PLXNC1: variants seen among roughly 807,000 people sequenced by gnomAD.
The protein encoded by PLXNC1 is plexin-C1.
Under a neutral mutation model 178.2 loss-of-function variants are expected in PLXNC1, and 75 were observed. The observed-to-expected ratio is 0.42, with a 90% CI of 0.35 to 0.51. The LOEUF is 0.51. Among genes scored for constraint, PLXNC1 ranks in the 20% least tolerant of loss-of-function variants. The pLI is 0.02. For synonymous variants in PLXNC1, 790 were observed against 779.9 expected, an observed-to-expected ratio of 1.01 and a Z score of -0.22; for missense variants, 1,503 against 1,984.4, an observed-to-expected ratio of 0.76 and a Z score of 4.61.
At chr12:94,181,106 G>T (rs190646273) in intron 2 of PLXNC1, among the ~76,000 whole-genome samples, 37 of 152,230 alleles carry the variant, frequency 2.4e-4, no homozygotes, top group Admixed American at 7.9e-4. Context: ...GCTATTCAAA[G>T]TGTTGAATAG....
intron 4 of PLXNC1, among the ~76,000 whole-genome samples, chr12:94,193,735 G>C (rs754320149): frequency 6.6e-6 from 1 of 152,170 alleles, no homozygotes; most frequent in Non-Finnish European, 1.5e-5. Flanking sequence ...TTGCATTGAA[G>C]CTGGTGTTGA....
chr12:94,286,387 C>T (rs183233529), intron 23 of PLXNC1, among the ~76,000 whole-genome samples: 2 of 152,210 alleles, frequency 1.3e-5, no homozygotes, highest in Non-Finnish European at 2.9e-5. Context: ...AAATCATCCC[C>T]CACCACCCTC....
At chr12:94,181,728 C>A (rs528317504) in intron 3 of PLXNC1, 148 bp downstream of exon 3, 3 of 601,886 alleles carry the variant, frequency 5.0e-6, no homozygotes, top group Non-Finnish European at 8.8e-6. Context: ...TTCACAGGCA[C>A]GGAATTAAAA....
At chr12:94,209,224 GA>G (rs1441099780) in intron 4 of PLXNC1, among the ~76,000 whole-genome samples, 1 of 152,142 alleles carries the variant, frequency 6.6e-6, no homozygotes, top group Non-Finnish European at 1.5e-5. Flanking sequence ...ACTCTTCCTT[GA>G]GCTGTTCTTT....
rs113807799 is a variant in PLXNC1, at chr12:94,210,109, G to A, written c.1554+405G>A. ...GCTTAATTGCAGAATTTTGTTTAGT[G>A]TAATGGTCCCTTATCCTAATGTGTT... On this transcript the variant is annotated intron_variant, in intron 5 of 30. Transcript: ENST00000258526. Among the ~76,000 whole-genome samples, 168 of 152,320 alleles carry A rather than the reference G, an allele frequency of 1.1e-3. 2 individuals carry two copies. The highest frequency in any genetic ancestry group is 3.7e-3 in the African/African-American group (153 of 41,576).
intron 1 of PLXNC1, among the ~76,000 whole-genome samples, chr12:94,150,261 G>C (rs957110750): frequency 2.6e-5 from 4 of 152,286 alleles, no homozygotes; most frequent in South Asian, 2.1e-4. Flanking sequence ...AAAAAGGGGG[G>C]CGGGGAGGGT....
chr12:94,268,949 C>T (rs757331177), intron 21 of PLXNC1, among the ~76,000 whole-genome samples: 6 of 151,920 alleles, frequency 3.9e-5, no homozygotes, highest in Non-Finnish European at 7.4e-5. Flanking sequence ...AAATTTTGAA[C>T]ATGTTTGATT....
chr12:94,271,472 TG>T (rs1478101856), intron 21 of PLXNC1, among the ~76,000 whole-genome samples: 2 of 152,216 alleles, frequency 1.3e-5, no homozygotes, highest in Admixed American at 6.5e-5. Context: ...GACGGGACGA[TG>T]GGTAAAACCG....
Position 94,204,709 on chromosome 12 carries a change from C to G in PLXNC1, c.1440-4881C>G, listed in dbSNP as rs189609957. ...AGTCCCCCGATTCTGGAGACCACCT[C>G]GCCCCTCCACTGGGCTCTGTGCCTT... On this transcript the variant is annotated intron_variant, in intron 4 of 30. Coordinates refer to ENST00000258526, the MANE Select transcript of PLXNC1 (RefSeq NM_005761.3). Among the ~76,000 whole-genome samples, 122 of 152,294 alleles carry G rather than the reference C, an allele frequency of 8.0e-4. 1 individual carries two copies. The highest frequency in any genetic ancestry group is 2.6e-3 in the African/African-American group (110 of 41,548).
intron 4 of PLXNC1, among the ~76,000 whole-genome samples, chr12:94,206,387 A>G (rs1188768671): frequency 1.3e-5 from 2 of 152,170 alleles, no homozygotes; most frequent in Non-Finnish European, 2.9e-5. Context: ...TAGCAAACTA[A>G]CAAGAACAGC....
intron 23 of PLXNC1, among the ~76,000 whole-genome samples, chr12:94,289,178 GTGGTT>G (rs879924436): frequency 5.1e-4 from 78 of 152,200 alleles, no homozygotes; most frequent in Non-Finnish European, 6.8e-4. Flanking sequence ...TCACTTGCAA[GTGGTT>G]TGGAGGATGT....
At chr12:94,183,219 A>T (rs1215860522) in intron 3 of PLXNC1, among the ~76,000 whole-genome samples, 2 of 152,216 alleles carry the variant, frequency 1.3e-5, no homozygotes, top group African/African-American at 2.4e-5. Context: ...CACAGATAAG[A>T]TGTGCAAGCA....
intron 12 of PLXNC1, among the ~76,000 whole-genome samples, chr12:94,244,317 T>C (rs986282269): frequency 6.6e-6 from 1 of 152,204 alleles, no homozygotes; most frequent in African/African-American, 2.4e-5. Context: ...GCAATGCTTA[T>C]GAATATGTGT....
At chr12:94,249,005 A>G (rs1178721145) in intron 14 of PLXNC1, among the ~76,000 whole-genome samples, 2 of 152,170 alleles carry the variant, frequency 1.3e-5, no homozygotes, top group Admixed American at 1.3e-4. Context: ...CACCCTTTAT[A>G]GTATTCATGC....
At chr12:94,164,262 T>C (rs1433775367) in intron 1 of PLXNC1, among the ~76,000 whole-genome samples, 2 of 152,162 alleles carry the variant, frequency 1.3e-5, no homozygotes, top group African/African-American at 4.8e-5. Flanking sequence ...GTACAAGAAA[T>C]TGATAGGTAC....
chr12:94,249,068 AT>A (rs1221489195), intron 14 of PLXNC1, among the ~76,000 whole-genome samples: 2 of 152,156 alleles, frequency 1.3e-5, no homozygotes, highest in African/African-American at 4.8e-5. Context: ...ATCATCATAA[AT>A]AATTGGATAA....
At chr12:94,233,161 G>T (rs1427983912) in intron 9 of PLXNC1, among the ~76,000 whole-genome samples, 1 of 152,154 alleles carries the variant, frequency 6.6e-6, no homozygotes, top group African/African-American at 2.4e-5. Flanking sequence ...AAGGGGTGGG[G>T]CAGGGTGTGG....
chr12:94,236,163 G>A (rs1964234535), intron 9 of PLXNC1, among the ~76,000 whole-genome samples: 1 of 152,072 alleles, frequency 6.6e-6, no homozygotes, highest in Admixed American at 6.5e-5. Flanking sequence ...ATTAATACAG[G>A]GCTAACGTCC....
chr12:94,245,100 T>A (rs1964491115), intron 12 of PLXNC1, among the ~76,000 whole-genome samples: 1 of 152,214 alleles, frequency 6.6e-6, no homozygotes, highest in Non-Finnish European at 1.5e-5. Context: ...ATTCACCTGC[T>A]GACACAGTTC....
Sources: gnomAD v4.1 joint callset for allele counts (sites outside exome capture counted in the v4.1 genomes callset) on GRCh38, gnomAD v4.1.1 for gene constraint, MANE v1.5 for transcripts, NCBI Gene and HGNC (gene_info 2026-07-23, HGNC 2026-07-21) for gene names.